Variants in SH3BGRL2 observed in about 807,000 individuals in gnomAD.
The protein encoded by SH3BGRL2 is SH3 domain binding glutamate rich protein like 2.
Under a neutral mutation model 14.8 loss-of-function variants are expected in SH3BGRL2, and 21 were observed. The ratio of observed to expected loss-of-function variants is 1.42; its 90% CI spans 1.01 to 2.05. The LOEUF (loss-of-function observed/expected upper bound fraction) is 2.05. Among genes scored for constraint, SH3BGRL2 ranks in the 30% most tolerant of loss-of-function variants. SH3BGRL2 has a pLI of 0.00. For synonymous variants in SH3BGRL2, 50 were observed against 47.8 expected, an observed-to-expected ratio of 1.05 and a Z score of -0.19; for missense variants, 147 against 130.8, an observed-to-expected ratio of 1.12 and a Z score of -0.61.
chr6:79,562,878 C>T, the SH3BGRL2 span, among the ~76,000 whole-genome samples: 1 of 152,138 alleles, frequency 6.6e-6, no homozygotes, highest in East Asian at 1.9e-4. Flanking sequence ...TTGTGCTGGG[C>T]TGCATTCAAA....
At chr6:79,692,724 T>C (rs1770247745) in intron 2 of SH3BGRL2, among the ~76,000 whole-genome samples, 1 of 152,212 alleles carries the variant, frequency 6.6e-6, no homozygotes, top group Non-Finnish European at 1.5e-5. Context: ...ATATCTCTGT[T>C]TTGGTACCAG....
At position 79,653,380 on chromosome 6, in the gene SH3BGRL2, A is replaced by C. The variant is rs148398543; in HGVS notation, c.46-20234A>C. 8.2e-4 allele frequency among the ~76,000 whole-genome samples: 125 copies of C among 152,166 alleles called. No homozygotes were observed. The East Asian group carries it at 0.018, about 22-fold the overall frequency. On this transcript the variant is annotated intron_variant, in intron 1 of 3. Coordinates refer to ENST00000369838, the MANE Select transcript of SH3BGRL2 (RefSeq NM_031469.4). The stretch of plus-strand genomic sequence containing the variant: ...GTCTTTAAATCATCTGATTATCTCC[A>C]CTTAGGAACCTTTCTAATTGCTTAC...
In SH3BGRL2 at chr6:79,676,311, TC is replaced by T. The variant is rs1769881214; in HGVS notation, c.231+2514del. Among the ~76,000 whole-genome samples the T allele has an allele frequency of 2.0e-5, 3 of 152,238 alleles. No individual in the cohort carries two copies. The South Asian group carries it at 6.2e-4, about 32-fold the overall frequency. On this transcript the variant is annotated intron_variant, in intron 2 of 3. Coordinates refer to ENST00000369838, the MANE Select transcript of SH3BGRL2 (RefSeq NM_031469.4). ...TAATAATGTATTAATATCTTCTAGC[TC>T]CTTCGAGGAGAGTGAGGCACCCTGG...
intron 2 of SH3BGRL2, among the ~76,000 whole-genome samples, chr6:79,674,671 A>G (rs552710022): frequency 1.1e-3 from 169 of 152,312 alleles, no homozygotes; most frequent in Middle Eastern, 3.4e-3. Flanking sequence ...TTCAAAGAAA[A>G]CAATCCTTTC....
chr6:79,589,203 TATA>T, the SH3BGRL2 span, among the ~76,000 whole-genome samples: 2 of 68,490 alleles, frequency 2.9e-5, no homozygotes, highest in Admixed American at 2.0e-4. Context: ...TATATATATA[TATA>T]TTTTTTTTTT....
upstream of SH3BGRL2, chr6:79,631,268 C>T (rs1032320414): frequency 2.3e-6 from 1 of 425,680 alleles, no homozygotes; most frequent in Non-Finnish European, 4.1e-6. Flanking sequence ...CCTCTCCTTC[C>T]CCTTCAGCCT....
chr6:79,623,063 T>C, the SH3BGRL2 span, among the ~76,000 whole-genome samples: 13 of 152,242 alleles, frequency 8.5e-5, no homozygotes, highest in East Asian at 5.8e-4. Context: ...CCCAGCACTT[T>C]GGGAGGCTGA....
chr6:79,591,276 T>G, the SH3BGRL2 span, among the ~76,000 whole-genome samples: 33 of 152,316 alleles, frequency 2.2e-4, no homozygotes, highest in African/African-American at 7.9e-4. Flanking sequence ...GTATCAGTAA[T>G]TATCAACAAT....
chr6:79,560,979 C>G, the SH3BGRL2 span, among the ~76,000 whole-genome samples: 1 of 133,092 alleles, frequency 7.5e-6, no homozygotes, highest in Non-Finnish European at 1.5e-5. Context: ...CCCCTGAATT[C>G]AAGGGATTCT....
intron 1 of SH3BGRL2, among the ~76,000 whole-genome samples, chr6:79,634,475 G>T (rs570141516): frequency 2.6e-5 from 4 of 152,312 alleles, no homozygotes; most frequent in Admixed American, 2.6e-4. Flanking sequence ...TATTCTGGAT[G>T]TATTCCTGAA....
chr6:79,547,474 T>G, the SH3BGRL2 span, among the ~76,000 whole-genome samples: 2 of 152,196 alleles, frequency 1.3e-5, no homozygotes, highest in South Asian at 4.1e-4. Context: ...CTTGATGCGC[T>G]GGCATCTGAC....
chr6:79,619,445 T>C, the SH3BGRL2 span, among the ~76,000 whole-genome samples: 1 of 152,242 alleles, frequency 6.6e-6, no homozygotes, highest in Non-Finnish European at 1.5e-5. Context: ...TATGCTGTTG[T>C]TGTTGCTATT....
the SH3BGRL2 span, among the ~76,000 whole-genome samples, chr6:79,625,154 C>T: frequency 6.6e-6 from 1 of 151,628 alleles, no homozygotes. Context: ...AGCTGAGAAA[C>T]AGAACAAGAC....
chr6:79,635,224 A>G (rs1490758383), intron 1 of SH3BGRL2, among the ~76,000 whole-genome samples: 1 of 152,194 alleles, frequency 6.6e-6, no homozygotes, highest in African/African-American at 2.4e-5. Flanking sequence ...ACTCCTCATT[A>G]AAGTTCCTGG....
chr6:79,688,704 A>C (rs1358676528), intron 2 of SH3BGRL2, among the ~76,000 whole-genome samples: 5 of 152,140 alleles, frequency 3.3e-5, no homozygotes, highest in Non-Finnish European at 5.9e-5. Flanking sequence ...AGTAAAACAA[A>C]TTTGATAAGA....
At chr6:79,698,111 G>C (rs759658777) in intron 3 of SH3BGRL2, among the ~76,000 whole-genome samples, 1 of 152,038 alleles carries the variant, frequency 6.6e-6, no homozygotes, top group Non-Finnish European at 1.5e-5. Flanking sequence ...TGAGGGCCCT[G>C]GACACTGCCC....
chr6:79,644,115 G>A (rs914378668), intron 1 of SH3BGRL2, among the ~76,000 whole-genome samples: 2 of 152,162 alleles, frequency 1.3e-5, no homozygotes, highest in Admixed American at 6.5e-5. Context: ...CTGTGGAGGT[G>A]TGCGCCCTCA....
chr6:79,610,956 G>C, the SH3BGRL2 span, among the ~76,000 whole-genome samples: 7 of 152,130 alleles, frequency 4.6e-5, no homozygotes, highest in African/African-American at 1.7e-4. Context: ...TTCTAGTCTT[G>C]GATTTGGTGT....
chr6:79,696,401 C>A, intron 2 of SH3BGRL2, 84 bp from the exon 3 acceptor site: 1 of 1,004,512 alleles, frequency 1.0e-6, no homozygotes, highest in Non-Finnish European at 1.5e-6. Context: ...TTTTTTACTT[C>A]CATAAAGAAT....
Sources: gnomAD v4.1 joint callset for allele counts (sites outside exome capture counted in the v4.1 genomes callset) on GRCh38, gnomAD v4.1.1 for gene constraint, MANE v1.5 for transcripts, NCBI Gene and HGNC (gene_info 2026-07-23, HGNC 2026-07-21) for gene names.